PRDM16: variants seen among roughly 807,000 people sequenced by gnomAD.
The protein encoded by PRDM16 is histone-lysine N-methyltransferase PRDM16.
In PRDM16, 23 loss-of-function variants were observed where a neutral mutation model predicts 110.6. The observed-to-expected ratio is 0.21, with a 90% CI of 0.15 to 0.29. The LOEUF (loss-of-function observed/expected upper bound fraction) is 0.29, where lower values mean the gene tolerates loss of function less well. Ranked by LOEUF, PRDM16 falls within the 10% of genes least tolerant of loss-of-function variation. PRDM16 has a pLI of 1.00. For missense variants in PRDM16, 1,615 were observed against 1,794.3 expected (o/e 0.90, Z 1.81); for synonymous variants, 799 against 781.8 (o/e 1.02, Z -0.37).
chr1:3,351,425 C>G (rs947118170), intron 3 of PRDM16, among the ~76,000 whole-genome samples: 1 of 151,522 alleles, frequency 6.6e-6, no homozygotes, highest in Admixed American at 6.6e-5. Context: ...TCTATAGGAA[C>G]GCAGAGGGAG....
In PRDM16 at chr1:3,186,443, C is replaced by T. The variant is rs776511558; in HGVS notation, c.356C>T (p.Ala119Val). 7 of 1,552,470 alleles carry T rather than the reference C, an allele frequency of 4.5e-6. No homozygotes were observed. Among genetic ancestry groups the T allele is most frequent in the Admixed American group, 2.0e-5 (1 of 49,952 alleles). ...GGCCCCTGCGTGGTGGTGCCCCGGG[C>T]GGCGGCAAAGGAGACAGACTTCGGA... ...RLGPCVVVPR[A>V]AAKETDFGWE... The change falls in exon 2 of 17, where the codon GCG (alanine) becomes GTG (valine). Residue 119 changes from alanine (A) to valine (V), a missense_variant. By Grantham distance (64) the Ala-to-Val change is moderately conservative. Around this residue, in one of 5 missense-constraint regions of PRDM16, gnomAD observed 416 missense variants for 467.1 expected, o/e 0.89. Transcript: ENST00000270722.
intron 1 of PRDM16, among the ~76,000 whole-genome samples, chr1:3,101,987 G>T (rs1423778976): frequency 6.6e-6 from 1 of 152,184 alleles, no homozygotes; most frequent in Non-Finnish European, 1.5e-5. Context: ...CACACGGGTG[G>T]TTTTTCAACA....
chr1:3,101,347 C>T (rs369101958), intron 1 of PRDM16, among the ~76,000 whole-genome samples: 1 of 152,326 alleles, frequency 6.6e-6, no homozygotes, highest in Non-Finnish European at 1.5e-5. Flanking sequence ...GCCCCAGGGC[C>T]GTATTGTCTG....
At chr1:3,416,801 G>A (rs540467006) in intron 10 of PRDM16, among the ~76,000 whole-genome samples, 19 of 152,334 alleles carry the variant, frequency 1.2e-4, no homozygotes, top group Admixed American at 7.2e-4. Flanking sequence ...GCCGAGGCCC[G>A]GGGTTTGTTC....
intron 4 of PRDM16, among the ~76,000 whole-genome samples, chr1:3,394,880 G>A (rs1300070336): frequency 6.6e-6 from 1 of 151,326 alleles, no homozygotes; most frequent in African/African-American, 2.4e-5. Context: ...TACAAAACTG[G>A]GGTCCTAATA....
rs1643284632 is a variant in PRDM16, at chr1:3,390,734, G to A, written c.573+5448G>A. On this transcript the variant is annotated intron_variant, in intron 4 of 16. Coordinates refer to ENST00000270722, the MANE Select transcript of PRDM16 (RefSeq NM_022114.4). This position sits in a 1 kb window ranked among gnomAD's most constrained non-coding sequence, Gnocchi z 5.0. ...TTCTGTCTGGGCGTGTGCCCTGTCAGGGTTGCGGTTTTAAACAGAGGGCAT... is the reference window on the plus strand; with the variant it reads ...TTCTGTCTGGGCGTGTGCCCTGTCAAGGTTGCGGTTTTAAACAGAGGGCAT... Among the ~76,000 whole-genome samples the A allele has an allele frequency of 6.6e-6, 1 of 152,160 alleles. No homozygotes were observed. Among genetic ancestry groups the A allele is most frequent in the Non-Finnish European group, 1.5e-5 (1 of 68,028 alleles).
intron 1 of PRDM16, among the ~76,000 whole-genome samples, chr1:3,185,731 C>T (rs555935201): frequency 6.6e-5 from 10 of 152,376 alleles, no homozygotes; most frequent in Admixed American, 2.0e-4. Flanking sequence ...AGCCGCCACG[C>T]GTGACGGCTT....
intron 2 of PRDM16, among the ~76,000 whole-genome samples, chr1:3,233,150 G>C (rs867040493): frequency 1.3e-5 from 2 of 152,342 alleles, no homozygotes; most frequent in African/African-American, 4.8e-5. Flanking sequence ...CCACCGGGCT[G>C]CCCTGGAGGA....
At position 3,244,439 on chromosome 1, in the gene PRDM16, C is replaced by T. The variant is rs1013678791; in HGVS notation, c.438+302C>T. Among the ~76,000 whole-genome samples, 8 of 152,042 alleles carry T rather than the reference C, an allele frequency of 5.3e-5. No individual in the cohort carries two copies. The highest frequency in any genetic ancestry group is 8.8e-5 in the Non-Finnish European group (6 of 68,018). Reference sequence around the variant, plus strand: ...GTACCTGTGGGAAAGCTTCAGGCCACGCAGACAGGAAAATTAAATAAACGC... The same window carrying T: ...GTACCTGTGGGAAAGCTTCAGGCCATGCAGACAGGAAAATTAAATAAACGC... On this transcript the variant is annotated intron_variant, in intron 3 of 16. Transcript: ENST00000270722. This position sits in a 1 kb window ranked among gnomAD's most constrained non-coding sequence, Gnocchi z 4.1.
chr1:3,225,015 T>G (rs1016690654), intron 2 of PRDM16, among the ~76,000 whole-genome samples: 3 of 152,240 alleles, frequency 2.0e-5, no homozygotes, highest in African/African-American at 7.2e-5. Context: ...ATTTGTTGCG[T>G]TCCTCCTGAG....
chr1:3,103,681 G>T (rs940034296), intron 1 of PRDM16, among the ~76,000 whole-genome samples: 3 of 152,170 alleles, frequency 2.0e-5, no homozygotes, highest in Admixed American at 2.0e-4. Flanking sequence ...TCTGTAACTG[G>T]CATGCACGCA....
At chr1:3,295,559 G>C (rs770138921) in intron 3 of PRDM16, among the ~76,000 whole-genome samples, 4 of 152,066 alleles carry the variant, frequency 2.6e-5, no homozygotes, top group African/African-American at 4.8e-5. Context: ...TGAACAAAAG[G>C]CCCCTTCACT....
At chr1:3,263,524 C>A (rs1640217518) in intron 3 of PRDM16, among the ~76,000 whole-genome samples, 1 of 152,224 alleles carries the variant, frequency 6.6e-6, no homozygotes, top group Non-Finnish European at 1.5e-5. Flanking sequence ...CAGAAGAGCC[C>A]AGCCTGAATG....
rs1638262024 is a variant in PRDM16 at position 3,190,142 on chromosome 1, C to T, written c.387+3668C>T. 6.6e-6 allele frequency among the ~76,000 whole-genome samples: 1 copy of T among 151,974 alleles called. No individual in the cohort carries two copies. The highest frequency in any genetic ancestry group is 1.5e-5 in the Non-Finnish European group (1 of 68,006). ...ATGGGGCGGGCAGCACGTGAGGCACCCACGAGCTTTGGGTTCAAGGTCGTG... is the reference window on the plus strand; with the variant it reads ...ATGGGGCGGGCAGCACGTGAGGCACTCACGAGCTTTGGGTTCAAGGTCGTG... On this transcript the variant is annotated intron_variant, in intron 2 of 16. Transcript: ENST00000270722. This position sits in a 1 kb window ranked among gnomAD's most constrained non-coding sequence, Gnocchi z 5.0.
intron 3 of PRDM16, among the ~76,000 whole-genome samples, chr1:3,291,048 G>T (rs1640962268): frequency 1.3e-5 from 2 of 152,018 alleles, no homozygotes; most frequent in South Asian, 4.2e-4. Context: ...GATGCAGGAG[G>T]ATCGCCCAGG....
intron 2 of PRDM16, among the ~76,000 whole-genome samples, chr1:3,226,486 C>T (rs1168240660): frequency 1.3e-5 from 2 of 152,166 alleles, no homozygotes; most frequent in African/African-American, 2.4e-5. Context: ...TGCCGTTTGG[C>T]AAAGGCGGCC....
At chr1:3,173,088 C>T (rs1644044152) in intron 1 of PRDM16, among the ~76,000 whole-genome samples, 2 of 152,162 alleles carry the variant, frequency 1.3e-5, no homozygotes, top group Admixed American at 6.5e-5. Context: ...GGAGAGGCAC[C>T]CCGCTCTGCT....
Position 3,143,386 on chromosome 1 carries a change from G to C in PRDM16, c.38-42739G>C, listed in dbSNP as rs1406529850. On this transcript the variant is annotated intron_variant, in intron 1 of 16. Coordinates refer to ENST00000270722, the MANE Select transcript of PRDM16 (RefSeq NM_022114.4). This position sits in a 1 kb window ranked among gnomAD's most constrained non-coding sequence, Gnocchi z 4.5. The stretch of plus-strand genomic sequence containing the variant: ...CCCCTCGCCCCAGTCCCAGCAGGTG[G>C]CCTCCCCAACTTGAGCTGGGTTCAT... Among the ~76,000 whole-genome samples the C allele has an allele frequency of 6.6e-6, 1 of 152,158 alleles. No individual in the cohort carries two copies. Among genetic ancestry groups the C allele is most frequent in the Non-Finnish European group, 1.5e-5 (1 of 68,026 alleles).
At position 3,343,666 on chromosome 1, in the gene PRDM16, C is replaced by T. The variant is rs554326856; in HGVS notation, c.439-41486C>T. ...TTGTTTTTTTTGAGATGGAGTCTCG[C>T]TCTGTCACCCAGCCTGGAGTGCAGT... On this transcript the variant is annotated intron_variant, in intron 3 of 16. Coordinates refer to ENST00000270722, the MANE Select transcript of PRDM16 (RefSeq NM_022114.4). Among the ~76,000 whole-genome samples, 34 of 152,130 alleles carry T rather than the reference C, an allele frequency of 2.2e-4. No homozygotes were observed. In the East Asian group the frequency reaches 5.8e-3, roughly 26 times the overall value.
Sources: allele counts gnomAD v4.1 joint callset (sites outside exome capture counted in the v4.1 genomes callset), GRCh38; gene constraint gnomAD v4.1.1; regional missense constraint gnomAD v4.1.1; non-coding constraint Gnocchi (gnomAD v3.1); transcripts MANE v1.5; gene names NCBI Gene and HGNC (gene_info 2026-07-23, HGNC 2026-07-21).